The following PLEKHG1 variants were observed in gnomAD, a reference collection of about 807,000 sequenced individuals.
PLEKHG1 encodes the protein pleckstrin homology domain-containing family G member 1.
In PLEKHG1, 44 loss-of-function variants were observed where a neutral mutation model predicts 100.8. The ratio of observed to expected loss-of-function variants is 0.44; its 90% CI spans 0.34 to 0.56. The LOEUF (loss-of-function observed/expected upper bound fraction) is 0.56, where lower values mean the gene tolerates loss of function less well. Among genes scored for constraint, PLEKHG1 ranks in the 20% least tolerant of loss-of-function variants. PLEKHG1 has a pLI of 0.01. For synonymous variants in PLEKHG1, 640 were observed against 662.5 expected, an observed-to-expected ratio of 0.97 and a Z score of 0.52; for missense variants, 1,545 against 1,720.9, an observed-to-expected ratio of 0.90 and a Z score of 1.81.
chr6:150,681,535 G>A (rs938190369), intron 3 of PLEKHG1, among the ~76,000 whole-genome samples: 3 of 151,454 alleles, frequency 2.0e-5, no homozygotes, highest in Non-Finnish European at 2.9e-5. Flanking sequence ...ATAGTAGATC[G>A]TCTTTTTTTT....
At chr6:150,841,177 A>G (rs1777516641) in exon 16 of PLEKHG1, 1 of 543,342 alleles carries the variant, frequency 1.8e-6, no homozygotes, top group African/African-American at 1.9e-5. Context: ...TTTTAACACG[A>G]TGGCCATAAC....
chr6:150,631,927 G>T (rs771076546), intron 1 of PLEKHG1, among the ~76,000 whole-genome samples: 1 of 152,148 alleles, frequency 6.6e-6, no homozygotes, highest in Non-Finnish European at 1.5e-5. Context: ...GTCCTGCCCC[G>T]GGGGCTGGCT....
intron 2 of PLEKHG1, among the ~76,000 whole-genome samples, chr6:150,755,133 G>A (rs1350617627): frequency 4.6e-5 from 7 of 151,972 alleles, no homozygotes; most frequent in Non-Finnish European, 1.0e-4. Flanking sequence ...ATGGCACCAC[G>A]CCTGGCTAGT....
At chr6:150,768,831 G>A in intron 3 of PLEKHG1, 93 bp downstream of exon 4, 2 of 721,918 alleles carry the variant, frequency 2.8e-6, no homozygotes, top group Non-Finnish European at 4.9e-6. Context: ...TGTAACCCCT[G>A]ACTCAGCTTC....
intron 5 of PLEKHG1, among the ~76,000 whole-genome samples, chr6:150,799,206 C>G (rs1470979995): frequency 1.3e-5 from 2 of 152,164 alleles, no homozygotes; most frequent in Non-Finnish European, 2.9e-5. Context: ...CCACTTGTAT[C>G]CCATCACTTT....
chr6:150,675,460 G>C (rs9480523), intron 3 of PLEKHG1, among the ~76,000 whole-genome samples: 11,900 of 152,274 alleles, frequency 0.078, 540 homozygotes, highest in Non-Finnish European at 0.1. Context: ...TGGATTAGTG[G>C]AGAAAGTTAG....
intron 3 of PLEKHG1, among the ~76,000 whole-genome samples, chr6:150,682,689 C>T (rs922511186): frequency 2.0e-5 from 3 of 152,244 alleles, no homozygotes; most frequent in African/African-American, 2.4e-5. Flanking sequence ...CCTTCACACA[C>T]GGGAGCAGAC....
intron 2 of PLEKHG1, among the ~76,000 whole-genome samples, chr6:150,741,726 G>A (rs964191035): frequency 3.3e-5 from 5 of 152,156 alleles, no homozygotes; most frequent in Admixed American, 3.3e-4. Flanking sequence ...GCCTTTCTCC[G>A]AAACCCACTG....
chr6:150,684,003 A>C (rs1780024980), intron 3 of PLEKHG1: 1 of 356,440 alleles, frequency 2.8e-6, no homozygotes, highest in Non-Finnish European at 5.5e-6. Flanking sequence ...CGGAGACCGC[A>C]GGTAGATGTC....
chr6:150,806,075 C>T (rs1472758368), intron 7 of PLEKHG1, among the ~76,000 whole-genome samples: 3 of 152,080 alleles, frequency 2.0e-5, no homozygotes, highest in Admixed American at 6.5e-5. Flanking sequence ...TACAGAGTGG[C>T]CTTGCCTAAC....
At chr6:150,788,693 C>T (rs1785777275) in intron 4 of PLEKHG1, among the ~76,000 whole-genome samples, 1 of 152,204 alleles carries the variant, frequency 6.6e-6, no homozygotes, top group Non-Finnish European at 1.5e-5. Flanking sequence ...TTCACATCCA[C>T]CTCTCATCTT....
intron 2 of PLEKHG1, among the ~76,000 whole-genome samples, chr6:150,648,698 C>T (rs1257115243): frequency 6.6e-6 from 1 of 152,020 alleles, no homozygotes; most frequent in Non-Finnish European, 1.5e-5. Flanking sequence ...AATTGGGGAG[C>T]CTCATTTTCC....
At chr6:150,814,323 T>A (rs1787728256) in intron 10 of PLEKHG1, among the ~76,000 whole-genome samples, 1 of 152,242 alleles carries the variant, frequency 6.6e-6, no homozygotes, top group Admixed American at 6.5e-5. Context: ...TGAGACCCCC[T>A]TACATACCTG....
At chr6:150,815,821 C>G (rs1171150231) in intron 10 of PLEKHG1, among the ~76,000 whole-genome samples, 1 of 152,172 alleles carries the variant, frequency 6.6e-6, no homozygotes, top group African/African-American at 2.4e-5. Context: ...TTAAATTATA[C>G]TACCCTTAAA....
intron 3 of PLEKHG1, among the ~76,000 whole-genome samples, chr6:150,785,322 T>C (rs1444809883): frequency 6.6e-6 from 1 of 152,200 alleles, no homozygotes; most frequent in Non-Finnish European, 1.5e-5. Context: ...AGCATATGAC[T>C]CATTAAAATA....
chr6:150,836,237 G>A (rs2128691999), intron 15 of PLEKHG1, among the ~76,000 whole-genome samples: 1 of 152,204 alleles, frequency 6.6e-6, no homozygotes, highest in South Asian at 2.1e-4. Flanking sequence ...AATTAGCCAA[G>A]CGTGGTGGCG....
chr6:150,720,377 T>C (rs1218064347), upstream of PLEKHG1, among the ~76,000 whole-genome samples: 1 of 152,232 alleles, frequency 6.6e-6, no homozygotes, highest in East Asian at 1.9e-4. Context: ...ACTAGATCAT[T>C]CTGTCTTTAC....
chr6:150,649,524 CT>C (rs998526443), intron 2 of PLEKHG1, among the ~76,000 whole-genome samples: 3 of 152,068 alleles, frequency 2.0e-5, no homozygotes, highest in Non-Finnish European at 4.4e-5. Context: ...TTTCTAGGCA[CT>C]TTTTTTTAAT....
At chr6:150,651,502 G>A (rs1303614660) in intron 3 of PLEKHG1, among the ~76,000 whole-genome samples, 1 of 152,080 alleles carries the variant, frequency 6.6e-6, no homozygotes, top group African/African-American at 2.4e-5. Flanking sequence ...CTAAAGTACT[G>A]GGATTACAGG....
Sources: allele counts gnomAD v4.1 joint callset (sites outside exome capture counted in the v4.1 genomes callset), GRCh38; gene constraint gnomAD v4.1.1; transcripts MANE v1.5; gene names NCBI Gene and HGNC (gene_info 2026-07-23, HGNC 2026-07-21).